RYR3: variants seen among roughly 807,000 people sequenced by gnomAD.
The protein encoded by RYR3 is ryanodine receptor 3.
In RYR3, 207 loss-of-function variants were observed where a neutral mutation model predicts 584.3. The observed-to-expected ratio is 0.35, with a 90% CI of 0.32 to 0.40. The LOEUF (loss-of-function observed/expected upper bound fraction) is 0.40. Among genes scored for constraint, RYR3 ranks in the 10% least tolerant of loss-of-function variants. The pLI, the probability that RYR3 is intolerant of heterozygous loss-of-function variation, is 1.00. For synonymous variants in RYR3, 2,416 were observed against 2,248.5 expected (o/e 1.07, Z -2.11); for missense variants, 5,616 against 6,089.2 (o/e 0.92, Z 2.59).
At chr15:33,449,780 C>T (rs1483184075) in intron 1 of RYR3, among the ~76,000 whole-genome samples, 1 of 152,138 alleles carries the variant, frequency 6.6e-6, no homozygotes, top group South Asian at 2.1e-4. Context: ...CAGTCATTTT[C>T]GAGCACGGAT....
intron 1 of RYR3, among the ~76,000 whole-genome samples, chr15:33,465,433 A>G (rs1376165623): frequency 6.6e-6 from 1 of 152,136 alleles, no homozygotes; most frequent in Non-Finnish European, 1.5e-5. Context: ...GTGTACATCT[A>G]GCATGCAAAG....
At chr15:33,411,106 A>T (rs190258281) in intron 1 of RYR3, among the ~76,000 whole-genome samples, 2 of 152,288 alleles carry the variant, frequency 1.3e-5, no homozygotes, top group Non-Finnish European at 2.9e-5. Flanking sequence ...CAACCCTATC[A>T]GCCACCCTCC....
At chr15:33,329,242 G>C (rs941299152) in intron 1 of RYR3, among the ~76,000 whole-genome samples, 1 of 152,118 alleles carries the variant, frequency 6.6e-6, no homozygotes, top group Non-Finnish European at 1.5e-5. Flanking sequence ...GTAAGAACTC[G>C]TATGTAATGC....
rs112876498 is a variant in RYR3, at chr15:33,519,370, A to G, written c.280-11222A>G. ...GTCCTAAAGTTAGCAAAGGCAAGCA[A>G]TCATGTTTGTTCTTTGCTTCTTTGG... On this transcript the variant is annotated intron_variant, in intron 3 of 103. Transcript: ENST00000634891. 3.3e-3 allele frequency among the ~76,000 whole-genome samples: 498 copies of G among 152,316 alleles called. 1 individual carries two copies. Among genetic ancestry groups the G allele is most frequent in the African/African-American group, 0.011 (478 of 41,570 alleles).
intron 81 of RYR3, among the ~76,000 whole-genome samples, chr15:33,824,901 C>G (rs938351943): frequency 6.6e-6 from 1 of 152,108 alleles, no homozygotes; most frequent in African/African-American, 2.4e-5. Flanking sequence ...ATATAGTGGT[C>G]TCATCAGCAA....
At chr15:33,780,589 A>G (rs1343416507) in intron 65 of RYR3, among the ~76,000 whole-genome samples, 1 of 152,124 alleles carries the variant, frequency 6.6e-6, no homozygotes, top group African/African-American at 2.4e-5. Flanking sequence ...TGATTTTGAA[A>G]TCCTTTCCAT....
At chr15:33,850,676 ATTG>A (rs1394221041) in intron 94 of RYR3, 1 of 152,100 alleles carries the variant, frequency 6.6e-6, no homozygotes, top group African/African-American at 2.4e-5. Context: ...TTACTTTTAT[ATTG>A]TTAAGCACAC....
chr15:33,728,835 A>T (rs2152818286), intron 46 of RYR3, 22 bp from the exon 47 acceptor site: 1 of 1,601,608 alleles, frequency 6.2e-7, no homozygotes, highest in East Asian at 2.2e-5. Context: ...AAGGGAAATT[A>T]CATTTTCTAT....
At chr15:33,819,906 C>G in intron 77 of RYR3, 99 bp downstream of exon 77, 1 of 881,600 alleles carries the variant, frequency 1.1e-6, no homozygotes, top group Admixed American at 2.0e-5. Flanking sequence ...AGGCCTGGGA[C>G]TTTGTCATGA....
intron 23 of RYR3, 94 bp from the exon 24 acceptor site, chr15:33,632,855 C>A: frequency 9.5e-7 from 1 of 1,056,296 alleles, no homozygotes; most frequent in Non-Finnish European, 1.4e-6. Flanking sequence ...GCCTTATTTG[C>A]GTAGCGTTCT....
intron 1 of RYR3, among the ~76,000 whole-genome samples, chr15:33,377,552 A>G (rs2040842963): frequency 6.6e-6 from 1 of 152,234 alleles, no homozygotes; most frequent in African/African-American, 2.4e-5. Context: ...AGCAAGTTAG[A>G]GTCCGATAAC....
intron 10 of RYR3, among the ~76,000 whole-genome samples, chr15:33,551,497 C>T (rs1270074643): frequency 2.0e-5 from 3 of 152,092 alleles, no homozygotes; most frequent in Non-Finnish European, 4.4e-5. Flanking sequence ...TCTGTTTTCT[C>T]CCTCATTTTG....
chr15:33,350,876 C>T (rs149394547), intron 1 of RYR3, among the ~76,000 whole-genome samples: 3,431 of 152,052 alleles, frequency 0.023, 53 homozygotes, highest in Non-Finnish European at 0.036. Flanking sequence ...CAAACACATT[C>T]AAAAGCTAGC....
intron 102 of RYR3, among the ~76,000 whole-genome samples, chr15:33,862,082 G>C (rs569373865): frequency 6.6e-6 from 1 of 152,160 alleles, no homozygotes; most frequent in African/African-American, 2.4e-5. Flanking sequence ...AGAATGTATA[G>C]AGTGTATAGA....
intron 1 of RYR3, among the ~76,000 whole-genome samples, chr15:33,435,712 C>G (rs1410033257): frequency 6.6e-6 from 1 of 152,152 alleles, no homozygotes; most frequent in Non-Finnish European, 1.5e-5. Flanking sequence ...ATTGTTCCTC[C>G]CGGTAGGTTC....
chr15:33,586,692 G>A (rs796626417), intron 16 of RYR3, among the ~76,000 whole-genome samples: 11 of 152,246 alleles, frequency 7.2e-5, no homozygotes, highest in African/African-American at 2.6e-4. Context: ...GTAAAATGGT[G>A]ACAAGGGCAT....
intron 77 of RYR3, 46 bp from the exon 78 acceptor site, chr15:33,820,710 T>A (rs547692127): frequency 1.6e-4 from 249 of 1,524,148 alleles, no homozygotes; most frequent in Non-Finnish European, 2.2e-4. Flanking sequence ...GATTTCCCTT[T>A]AATTTGATTG....
At chr15:33,429,861 T>A (rs1043345669) in intron 1 of RYR3, among the ~76,000 whole-genome samples, 1 of 152,222 alleles carries the variant, frequency 6.6e-6, no homozygotes, top group Non-Finnish European at 1.5e-5. Flanking sequence ...ACAAGATTTC[T>A]TTTCAAAAGA....
chr15:33,511,271 A>G (rs956821230), intron 3 of RYR3, among the ~76,000 whole-genome samples: 2 of 151,176 alleles, frequency 1.3e-5, no homozygotes, highest in African/African-American at 4.9e-5. Flanking sequence ...GCTCTTGCAA[A>G]CCTCTAAGAT....
Sources: allele counts gnomAD v4.1 joint callset (sites outside exome capture counted in the v4.1 genomes callset), GRCh38; gene constraint gnomAD v4.1.1; transcripts MANE v1.5; gene names NCBI Gene and HGNC (gene_info 2026-07-23, HGNC 2026-07-21).